ZNF432: variants seen among roughly 807,000 people sequenced by gnomAD.
ZNF432 encodes the protein zinc finger protein 432.
A neutral mutation model predicts 13.9 loss-of-function variants in ZNF432; 10 were observed. The ratio of observed to expected loss-of-function variants is 0.72; its 90% confidence interval spans 0.44 to 1.22. ZNF432 has a LOEUF of 1.22. Among genes scored for constraint, ZNF432 ranks in the 50% most tolerant of loss-of-function variants. The probability of loss-of-function intolerance (pLI) is 0.00; values close to 1 mark genes in which losing one functional copy is unlikely to be tolerated. For synonymous variants in ZNF432, 247 were observed against 256.2 expected, an observed-to-expected ratio of 0.96 and a Z score of 0.34; for missense variants, 793 against 796.2, an observed-to-expected ratio of 1.00 and a Z score of 0.05.
At chr19:52,041,776 A>C (rs2087139066) in intron 2 of ZNF432, among the ~76,000 whole-genome samples, 170 bp from the exon 3 acceptor site, 1 of 152,246 alleles carries the variant, frequency 6.6e-6, no homozygotes, top group Non-Finnish European at 1.5e-5. Context: ...CTATAATTGC[A>C]CAGTGCCCCA....
At chr19:52,047,836 A>C (rs2087201593) in intron 1 of ZNF432, among the ~76,000 whole-genome samples, 1 of 152,168 alleles carries the variant, frequency 6.6e-6, no homozygotes, top group Admixed American at 6.5e-5. Context: ...ATATACTAAC[A>C]TACAAAACCT....
Position 52,047,009 on chromosome 19 carries a change from CTCTT to C in ZNF432, c.-145_-142del. On this transcript the variant is annotated 5_prime_UTR_variant, in exon 2 of 5. An upstream open reading frame in the 5' UTR loses its in-frame stop. Coordinates refer to ENST00000221315, the MANE Select transcript of ZNF432 (RefSeq NM_014650.4). ...ATCATATCTAGGTCCTGGAATCTTC[CTCTT>C]TCTTCATTTACTTCTTGTCTCTTCC... The C allele has an allele frequency of 1.2e-6, 1 of 822,474 alleles. No homozygotes were observed. The highest frequency in any genetic ancestry group is 2.9e-5 in the Admixed American group (1 of 34,652). 50.9% of individuals were successfully genotyped at this position (822,474 alleles called of 1,614,324 possible). A position where few individuals can be genotyped will look rare whatever the true frequency, so the allele number is the denominator to read the frequency against.
At position 52,047,030 on chromosome 19, in the gene ZNF432, G is replaced by A. The variant is rs377603622; in HGVS notation, c.-162C>T. ...CTTCCTCTTTCTTCATTTACTTCTT[G>A]TCTCTTCCCAGGGTAGCCAGGACCT... On this transcript the variant is annotated 5_prime_UTR_variant, in exon 2 of 5. Transcript: ENST00000221315. The A allele has an allele frequency of 1.4e-6, 1 of 713,114 alleles. No homozygotes were observed. The highest frequency in any genetic ancestry group is 2.2e-6 in the Non-Finnish European group (1 of 446,656). 44.2% of individuals were successfully genotyped at this position (713,114 alleles called of 1,614,324 possible). A position where few individuals can be genotyped will look rare whatever the true frequency, so the allele number is the denominator to read the frequency against.
Position 52,040,527 on chromosome 19 carries a change from A to G in ZNF432, c.199T>C (p.Trp67Arg). 6.2e-7 allele frequency: 1 copy of G among 1,614,146 alleles called. No individual in the cohort carries two copies. ...CTGTGCCTTTCATCTTCCATTGTCC[A>G]TGGTTCTTCTCCTCGTTCCAACTTG... ...LSKLERGEEP[W>R]TMEDERHSRI... is the part of the protein sequence containing the mutation. Residue 67 changes from tryptophan to arginine, a missense_variant, in exon 4 of 5, where the codon TGG becomes CGG. Coordinates refer to ENST00000221315, the MANE Select transcript of ZNF432 (RefSeq NM_014650.4).
intron 1 of ZNF432, among the ~76,000 whole-genome samples, chr19:52,047,698 C>A (rs2087199820): frequency 6.7e-6 from 1 of 149,482 alleles, no homozygotes; most frequent in Non-Finnish European, 1.5e-5. Flanking sequence ...TGTTTATATA[C>A]ACACTTCAAT....
rs771572929 is a variant in ZNF432 at position 52,034,280 on chromosome 19, G to A, written c.1399C>T (p.Pro467Ser). The A allele has an allele frequency of 6.2e-7, 1 of 1,611,724 alleles. No individual in the cohort carries two copies. The highest frequency in any genetic ancestry group is 2.2e-5 in the East Asian group (1 of 44,688). The change falls in exon 5 of 5, where the codon CCC becomes TCC. Residue 467 changes from proline (P) to serine (S), a missense_variant. By Grantham distance (74) the Pro-to-Ser change is moderately conservative. Coordinates refer to ENST00000221315, the MANE Select transcript of ZNF432 (RefSeq NM_014650.4). ...TGTACAATCAGCCGACTCTTCAAGGGGAAGCCTTTCCCACATTCACTGCAT... is the reference window on the plus strand; with the variant it reads ...TGTACAATCAGCCGACTCTTCAAGGAGAAGCCTTTCCCACATTCACTGCAT... Reference protein sequence around the residue: ...YTCSECGKGFPLKSRLIVHQR... With the variant: ...YTCSECGKGFSLKSRLIVHQR...
At chr19:52,037,922 A>G (rs2123150397) in intron 4 of ZNF432, among the ~76,000 whole-genome samples, 1 of 152,276 alleles carries the variant, frequency 6.6e-6, no homozygotes, top group South Asian at 2.1e-4. Flanking sequence ...GTTAAGTTGT[A>G]CTAAAGGATA....
Position 52,033,814 on chromosome 19 carries a change from T to C in ZNF432, c.1865A>G (p.Glu622Gly), listed in dbSNP as rs774610158. ...LIVHQRTHTG[E>G]KPFVCSECRK... Reference sequence around the variant, plus strand: ...ACATTCACTGCATACAAAGGGTTTCTCTCCTGTATGAGTTCGTTGATGAAC... The same window carrying C: ...ACATTCACTGCATACAAAGGGTTTCCCTCCTGTATGAGTTCGTTGATGAAC... The change falls in exon 5 of 5, where the codon GAG becomes GGG. Residue 622 changes from glutamate to glycine, a missense_variant. Transcript: ENST00000221315. 6.2e-7 allele frequency: 1 copy of C among 1,613,850 alleles called. No homozygotes were observed. The highest frequency in any genetic ancestry group is 8.5e-7 in the Non-Finnish European group (1 of 1,179,992).
In ZNF432 at chr19:52,034,759, T is replaced by A. The variant is rs1210130403; in HGVS notation, c.920A>T (p.His307Leu). The A allele has an allele frequency of 1.9e-6, 3 of 1,612,944 alleles. No individual in the cohort carries two copies. The highest frequency in any genetic ancestry group is 2.5e-6 in the Non-Finnish European group (3 of 1,179,618). The change falls in exon 5 of 5, where the codon CAT becomes CTT. Residue 307 changes from histidine (H) to leucine (L), a missense_variant. Physicochemically the swap from His to Leu is moderately conservative, Grantham distance 99. Coordinates refer to ENST00000221315, the MANE Select transcript of ZNF432 (RefSeq NM_014650.4). Reference sequence around the variant, plus strand: ...TTTCTCTCCAGTATGATTTCGCTGATGTACAATGAGATTACGCTTGCCTGG... The same window carrying A: ...TTTCTCTCCAGTATGATTTCGCTGAAGTACAATGAGATTACGCTTGCCTGG... ...GFPGKRNLIV[H>L]QRNHTGEKSY...
chr19:52,046,980 A>G lies in ZNF432; in HGVS notation c.-112T>C. ...TCAGTCACCAGTGAAGGGTGTCCAC[A>G]GAAATCATATCTAGGTCCTGGAATC... is the stretch of plus-strand genomic sequence containing the variant. On this transcript the variant is annotated 5_prime_UTR_variant, in exon 2 of 5. Coordinates refer to ENST00000221315, the MANE Select transcript of ZNF432 (RefSeq NM_014650.4). 2 of 1,096,094 alleles carry G rather than the reference A, an allele frequency of 1.8e-6. No individual in the cohort carries two copies. The highest frequency in any genetic ancestry group is 2.7e-6 in the Non-Finnish European group (2 of 746,998). 67.9% of individuals were successfully genotyped at this position (1,096,094 alleles called of 1,614,324 possible).
At position 52,034,219 on chromosome 19, in the gene ZNF432, C is replaced by T; in HGVS notation, c.1460G>A (p.Cys487Tyr). The change falls in exon 5 of 5, where the codon TGC becomes TAC. Residue 487 changes from cysteine (C) to tyrosine (Y), a missense_variant. Cys to Tyr is a radical substitution (Grantham distance 194). Transcript: ENST00000221315. ...AATGAAACCTTTCCCACATTCACTG[C>T]ACCTGTAAGGTTTCTCTCCAGTATG... ...RTHTGEKPYR[C>Y]SECGKGFIVN... The T allele has an allele frequency of 1.2e-6, 2 of 1,614,154 alleles. No individual in the cohort carries two copies. The highest frequency in any genetic ancestry group is 2.2e-5 in the East Asian group (1 of 44,866).
At chr19:52,042,264 C>T (rs2087143750) in intron 2 of ZNF432, among the ~76,000 whole-genome samples, 1 of 151,956 alleles carries the variant, frequency 6.6e-6, no homozygotes, top group Non-Finnish European at 1.5e-5. Flanking sequence ...AAAAAAATAA[C>T]AGGGCCAGGT....
chr19:52,046,854 C>CT lies in ZNF432; in HGVS notation c.14dup (p.Glu6GlyfsTer67). ...GAGAATAAAATAGAGAAAAAGTCAC[C>CT]TGGGCATTGATCATTTTCTTCTGTT... On this transcript the variant is annotated frameshift_variant and splice_region_variant, in exon 2 of 5. Transcript: ENST00000221315. LOFTEE classifies it high-confidence loss of function. The CT allele has an allele frequency of 6.2e-7, 1 of 1,613,616 alleles. No homozygotes were observed. The highest frequency in any genetic ancestry group is 1.7e-5 in the Admixed American group (1 of 59,970).
intron 4 of ZNF432, among the ~76,000 whole-genome samples, chr19:52,037,454 G>A (rs557410310): frequency 6.6e-6 from 1 of 152,074 alleles, no homozygotes; most frequent in African/African-American, 2.4e-5. Context: ...CTGCTGCATG[G>A]GATATGAAAA....
In ZNF432 at chr19:52,033,900, T is replaced by C. The variant is rs140034347; in HGVS notation, c.1779A>G (p.Gly593=). 48 of 1,614,094 alleles carry C rather than the reference T, an allele frequency of 3.0e-5. No homozygotes were observed. The African/African-American group carries it at 4.8e-4, about 16-fold the overall frequency. Residue 593 remains glycine (G), a synonymous_variant, in exon 5 of 5, where the codon GGA becomes GGG. Coordinates refer to ENST00000221315, the MANE Select transcript of ZNF432 (RefSeq NM_014650.4). ...ELALHKQVHT[G]EKPYGCNECG... ...ATTCATTACATCCATAAGGTTTTTC[T>C]CCAGTATGAACTTGCTTATGTAAAG...
rs1443905371 is a variant in ZNF432, at chr19:52,032,192, G to T, written c.*1528C>A. ...TTGGATAAACACATCCAAATATACT[G>T]AATTACATTTATCAGTAAATTGAAA... On this transcript the variant is annotated 3_prime_UTR_variant, in exon 5 of 5. Transcript: ENST00000221315. 3 of 151,944 alleles carry T rather than the reference G, an allele frequency of 2.0e-5. No individual in the cohort carries two copies. The highest frequency in any genetic ancestry group is 4.1e-4 in the South Asian group (2 of 4,824). The allele number at this position is 151,944 out of a possible 1,614,324, so 9.4% of individuals were successfully genotyped here.
At chr19:52,044,632 C>T (rs1056845772) in intron 2 of ZNF432, among the ~76,000 whole-genome samples, 1 of 152,074 alleles carries the variant, frequency 6.6e-6, no homozygotes, top group Admixed American at 6.5e-5. Flanking sequence ...AGGCTTTCAA[C>T]CTCACCTGTG....
chr19:52,036,577 T>C (rs746654968), intron 4 of ZNF432, among the ~76,000 whole-genome samples: 24 of 152,190 alleles, frequency 1.6e-4, no homozygotes, highest in African/African-American at 2.4e-5. Context: ...TTATCAAATA[T>C]GTAACACAGA....
rs756039196 is a variant in ZNF432 at position 52,034,322 on chromosome 19, C to T, written c.1357G>A (p.Gly453Arg). The T allele has an allele frequency of 3.0e-5, 48 of 1,609,604 alleles. 2 individuals carry two copies. The South Asian group carries it at 4.2e-4, about 14-fold the overall frequency. The change falls in exon 5 of 5, where the codon GGA (glycine) becomes AGA (arginine). Residue 453 changes from glycine to arginine, a missense_variant. Coordinates refer to ENST00000221315, the MANE Select transcript of ZNF432 (RefSeq NM_014650.4). ...MLIIHQRTHT[G>R]EKPYTCSECG... The stretch of plus-strand genomic sequence containing the variant: ...TCACTGCATGTGTAGGGCTTCTCTC[C>T]TGTATGAGTTCGCTGATGTATGATG...
Sources: allele counts gnomAD v4.1 joint callset (sites outside exome capture counted in the v4.1 genomes callset), GRCh38; gene constraint gnomAD v4.1.1; transcripts MANE v1.5; gene names NCBI Gene and HGNC (gene_info 2026-07-23, HGNC 2026-07-21).